The following PCDH11X variants were observed in gnomAD, a reference collection of about 807,000 sequenced individuals.
The protein encoded by PCDH11X is protocadherin 11 X-linked.
In PCDH11X, 18 loss-of-function variants were observed where a neutral mutation model predicts 53.3. That is an observed-to-expected ratio of 0.34 (90% confidence interval 0.23 to 0.50). The LOEUF (loss-of-function observed/expected upper bound fraction) is 0.50. PCDH11X is among the 20% of genes least tolerant of loss of function. PCDH11X has a pLI of 0.98. For missense variants in PCDH11X, 570 were observed against 1,032.4 expected (o/e 0.55, Z 6.14); for synonymous variants, 279 against 393.3 (o/e 0.71, Z 3.44).
chrX:92,152,202 C>T (rs1219902575), intron 6 of PCDH11X, among the ~76,000 whole-genome samples: 3 of 86,058 alleles, frequency 3.5e-5, no homozygotes, highest in African/African-American at 8.6e-5. Context: ...AGTGCCTTGC[C>T]AAACATCAAT....
intron 10 of PCDH11X, among the ~76,000 whole-genome samples, chrX:92,580,450 C>T (rs1463796912): frequency 2.9e-5 from 3 of 103,050 alleles, no homozygotes; most frequent in Non-Finnish European, 4.0e-5. Context: ...GCTGAAATTT[C>T]GACAATGAGG....
intron 8 of PCDH11X, among the ~76,000 whole-genome samples, chrX:92,355,157 G>A (rs192300914): frequency 2.9e-5 from 3 of 105,117 alleles, no homozygotes. Context: ...GCCGGGCGCG[G>A]TGGTTCACGC....
rs1205598468 is a variant in PCDH11X at position 92,112,845 on chromosome X, A to G, written c.3034-88530A>G. Among the ~76,000 whole-genome samples the G allele has an allele frequency of 7.6e-5, 8 of 105,051 alleles. 1 individual carries two copies. The highest frequency in any genetic ancestry group is 4.7e-4 in the South Asian group (1 of 2,127). 91.2% of individuals were successfully genotyped at this position (105,051 alleles called of 115,157 possible). On this transcript the variant is annotated intron_variant, in intron 6 of 10. Coordinates refer to ENST00000682573, the MANE Select transcript of PCDH11X (RefSeq NM_032968.5). Reference sequence around the variant, plus strand: ...AATTACTCAAGTTGTTTCAGTGTAAATTAACTCTAAAAAAGGCAGTGATTT... The same window carrying G: ...AATTACTCAAGTTGTTTCAGTGTAAGTTAACTCTAAAAAAGGCAGTGATTT...
intron 8 of PCDH11X, among the ~76,000 whole-genome samples, chrX:92,339,528 T>C (rs1246590831): frequency 1.8e-5 from 2 of 111,362 alleles, no homozygotes; most frequent in African/African-American, 6.5e-5. Context: ...TCTGCTCACC[T>C]TCTGGGGAGT....
chrX:92,262,919 C>A, intron 7 of PCDH11X, 195 bp from the exon 8 acceptor site: 1 of 477,702 alleles, frequency 2.1e-6, no homozygotes, highest in Non-Finnish European at 2.6e-6. Context: ...TCCCTTTACT[C>A]AAACCACTGA....
intron 8 of PCDH11X, among the ~76,000 whole-genome samples, chrX:92,364,914 CAAAAAAA>C (rs57977407): frequency 4.5e-5 from 2 of 44,718 alleles, no homozygotes; most frequent in African/African-American, 7.3e-5. Context: ...ACCCTTTCTA[CAAAAAAA>C]AAAAAAAAAA....
chrX:91,940,960 A>C, intron 6 of PCDH11X, among the ~76,000 whole-genome samples: 1 of 110,995 alleles, frequency 9.0e-6, no homozygotes. Flanking sequence ...AAAAAGTTGT[A>C]TCTAAAAAGA....
At chrX:92,494,734 C>G (rs2073831081) in intron 10 of PCDH11X, among the ~76,000 whole-genome samples, 1 of 103,866 alleles carries the variant, frequency 9.6e-6, no homozygotes, top group Non-Finnish European at 2.0e-5. Flanking sequence ...TGTGAAAGCT[C>G]TTTGACCTGA....
At chrX:92,576,011 T>TGTAC (rs1556500733) in intron 10 of PCDH11X, among the ~76,000 whole-genome samples, 4 of 28,097 alleles carry the variant, frequency 1.4e-4, no homozygotes, top group African/African-American at 6.8e-4. Flanking sequence ...TATATATATA[T>TGTAC]ACACACACAC....
intron 10 of PCDH11X, among the ~76,000 whole-genome samples, chrX:92,513,697 A>G (rs1313894256): frequency 9.0e-6 from 1 of 111,645 alleles, no homozygotes; most frequent in Non-Finnish European, 1.9e-5. Flanking sequence ...TGTTATTTTC[A>G]TAAAGTTCTT....
intron 6 of PCDH11X, among the ~76,000 whole-genome samples, chrX:92,170,465 G>A (rs2065804796): frequency 9.0e-6 from 1 of 110,628 alleles, no homozygotes; most frequent in Non-Finnish European, 1.9e-5. Flanking sequence ...AGTAGTTCCT[G>A]GGGTAGAATC....
intron 6 of PCDH11X, among the ~76,000 whole-genome samples, chrX:92,192,197 G>T (rs1219793719): frequency 8.9e-6 from 1 of 111,762 alleles, no homozygotes; most frequent in Admixed American, 9.5e-5. Flanking sequence ...AATTATAATT[G>T]ACTTTTTAAA....
At chrX:92,540,764 C>T (rs2074742302) in intron 10 of PCDH11X, among the ~76,000 whole-genome samples, 1 of 106,802 alleles carries the variant, frequency 9.4e-6, no homozygotes, top group Non-Finnish European at 1.9e-5. Context: ...CTTTAGTCAG[C>T]AGTTTATAAA....
Position 91,903,501 on chromosome X carries a change from C to A in PCDH11X, c.3033+24228C>A, listed in dbSNP as rs550734291. Among the ~76,000 whole-genome samples, 155 of 111,163 alleles carry A rather than the reference C, an allele frequency of 1.4e-3. 2 individuals are homozygous for A. In the South Asian group the frequency reaches 0.059, roughly 42 times the overall value. ...AGTTTACGCTTCAGAGATATCATAT[C>A]GCTTGCAGTTTCCTACTATACAGCA... On this transcript the variant is annotated intron_variant, in intron 6 of 10. Transcript: ENST00000682573.
At chrX:92,104,225 AG>A (rs763758154) in intron 6 of PCDH11X, among the ~76,000 whole-genome samples, 4 of 110,612 alleles carry the variant, frequency 3.6e-5, no homozygotes, top group Non-Finnish European at 5.7e-5. Flanking sequence ...GGCGATAAAA[AG>A]ATTATAGGGT....
At chrX:92,505,152 C>CTTTTTTTTTTTTTTTTTTTTTTTTTTT (rs58620449) in intron 10 of PCDH11X, among the ~76,000 whole-genome samples, 1 of 64,274 alleles carries the variant, frequency 1.6e-5, no homozygotes, top group African/African-American at 6.6e-5. Context: ...TTTCTTTTTT[C>CTTTTTTTTTTTTTTTTTTTTTTTTTTT]TTTTTTTTTT....
rs773508575 is a variant in PCDH11X at position 91,871,061 on chromosome X, G to T, written c.541-5720G>T. 3.6e-5 allele frequency among the ~76,000 whole-genome samples: 4 copies of T among 109,863 alleles called. No homozygotes were observed. The Admixed American group carries it at 3.9e-4, about 11-fold the overall frequency. On this transcript the variant is annotated intron_variant, in intron 5 of 10. Transcript: ENST00000682573. ...TAGAAGTAGTGCATAGACTCTAAAAGGTACCACAGTATTGAATATATAAGC... is the reference window on the plus strand; with the variant it reads ...TAGAAGTAGTGCATAGACTCTAAAATGTACCACAGTATTGAATATATAAGC...
chrX:92,114,970 T>A (rs1176303223), intron 6 of PCDH11X, among the ~76,000 whole-genome samples: 15 of 110,619 alleles, frequency 1.4e-4, no homozygotes, highest in African/African-American at 4.3e-4. Context: ...GTAGCTGGGA[T>A]TACAGGCCCC....
At chrX:92,416,853 G>T in intron 9 of PCDH11X, among the ~76,000 whole-genome samples, 1 of 111,693 alleles carries the variant, frequency 9.0e-6, no homozygotes, top group Non-Finnish European at 1.9e-5. Flanking sequence ...TCTGATAACT[G>T]AATATGTGTT....
Sources: gnomAD v4.1 joint callset for allele counts (sites outside exome capture counted in the v4.1 genomes callset) on GRCh38, gnomAD v4.1.1 for gene constraint, MANE v1.5 for transcripts, NCBI Gene and HGNC (gene_info 2026-07-23, HGNC 2026-07-21) for gene names.